Variants in KCNH8 observed in about 807,000 individuals in gnomAD.
KCNH8 encodes potassium voltage-gated channel subfamily H member 8.
Under a neutral mutation model 103.6 loss-of-function variants are expected in KCNH8, and 70 were observed. The ratio of observed to expected loss-of-function variants is 0.68; its 90% CI spans 0.56 to 0.82. The LOEUF (loss-of-function observed/expected upper bound fraction) is 0.82. KCNH8 is among the 40% of genes least tolerant of loss of function. The pLI, the probability that KCNH8 is intolerant of heterozygous loss-of-function variation, is 0.00. For missense variants in KCNH8, 1,217 were observed against 1,329.9 expected, an observed-to-expected ratio of 0.92 and a Z score of 1.32; for synonymous variants, 498 against 489.4, an observed-to-expected ratio of 1.02 and a Z score of -0.23.
chr3:19,427,150 A>G (rs765271795), intron 7 of KCNH8, among the ~76,000 whole-genome samples: 3 of 152,180 alleles, frequency 2.0e-5, no homozygotes, highest in Non-Finnish European at 4.4e-5. Flanking sequence ...CATATCCTTC[A>G]ATGTTTAAAG....
intron 1 of KCNH8, among the ~76,000 whole-genome samples, chr3:19,230,125 C>T (rs1055829858): frequency 1.3e-5 from 2 of 152,136 alleles, no homozygotes; most frequent in Admixed American, 6.5e-5. Flanking sequence ...GAGACTTATT[C>T]ACTATCACAA....
At chr3:19,402,746 A>AGG (rs570326998) in intron 7 of KCNH8, among the ~76,000 whole-genome samples, 1 of 151,908 alleles carries the variant, frequency 6.6e-6, no homozygotes, top group Non-Finnish European at 1.5e-5. Flanking sequence ...AACAACAAAT[A>AGG]GGGATTCTGT....
chr3:19,240,947 A>G (rs1436205115), intron 1 of KCNH8, among the ~76,000 whole-genome samples: 1 of 151,964 alleles, frequency 6.6e-6, no homozygotes, highest in Non-Finnish European at 1.5e-5. Flanking sequence ...AAATCACCTC[A>G]TGTTTTTTTA....
intron 5 of KCNH8, among the ~76,000 whole-genome samples, chr3:19,351,309 C>T (rs1036718393): frequency 1.3e-5 from 2 of 152,154 alleles, no homozygotes; most frequent in Non-Finnish European, 2.9e-5. Context: ...GTAAAATGCT[C>T]TTCAGGATAT....
intron 7 of KCNH8, among the ~76,000 whole-genome samples, chr3:19,432,143 A>G (rs1443321044): frequency 1.3e-5 from 2 of 152,178 alleles, no homozygotes; most frequent in African/African-American, 4.8e-5. Flanking sequence ...CAAGCATATT[A>G]TATGGTCTAA....
chr3:19,469,200 C>T (rs1333677369), intron 11 of KCNH8, among the ~76,000 whole-genome samples: 1 of 152,166 alleles, frequency 6.6e-6, no homozygotes, highest in Non-Finnish European at 1.5e-5. Context: ...AAAGGACTCA[C>T]ATGTCATTTT....
chr3:19,514,387 C>G (rs1368469769), intron 13 of KCNH8, among the ~76,000 whole-genome samples: 1 of 151,744 alleles, frequency 6.6e-6, no homozygotes, highest in Non-Finnish European at 1.5e-5. Flanking sequence ...ACTCTTCTTC[C>G]TAAGTTTATA....
intron 11 of KCNH8, among the ~76,000 whole-genome samples, chr3:19,479,698 CTG>C (rs1191964050): frequency 1.3e-5 from 2 of 152,098 alleles, no homozygotes; most frequent in African/African-American, 4.8e-5. Context: ...TGCTGATTTG[CTG>C]TGTCTCTATT....
intron 1 of KCNH8, among the ~76,000 whole-genome samples, chr3:19,228,539 C>T (rs1327645876): frequency 6.6e-6 from 1 of 152,084 alleles, no homozygotes; most frequent in Non-Finnish European, 1.5e-5. Context: ...TTAGGGGCAG[C>T]TCAGTAAAAC....
At chr3:19,166,496 C>T (rs894620134) in intron 1 of KCNH8, among the ~76,000 whole-genome samples, 3 of 152,124 alleles carry the variant, frequency 2.0e-5, no homozygotes, top group Non-Finnish European at 2.9e-5. Context: ...TCAGTGTATG[C>T]TTTGTCCCCA....
At chr3:19,500,833 G>C (rs962932273) in intron 11 of KCNH8, among the ~76,000 whole-genome samples, 11 of 152,086 alleles carry the variant, frequency 7.2e-5, no homozygotes, top group Admixed American at 6.6e-5. Context: ...AAGCAGGAAA[G>C]ATCCAAAATT....
At chr3:19,157,020 G>A (rs1282698332) in intron 1 of KCNH8, among the ~76,000 whole-genome samples, 2 of 148,974 alleles carry the variant, frequency 1.3e-5, no homozygotes, top group Non-Finnish European at 1.5e-5. Context: ...AAGTATTTTG[G>A]ACAGACATCT....
chr3:19,316,917 A>C (rs1196719081), intron 3 of KCNH8, among the ~76,000 whole-genome samples: 1 of 151,860 alleles, frequency 6.6e-6, no homozygotes, highest in Non-Finnish European at 1.5e-5. Context: ...GATGCTTTGA[A>C]ATTGGATGAA....
chr3:19,411,326 C>T (rs1303226526), intron 7 of KCNH8, among the ~76,000 whole-genome samples: 2 of 151,832 alleles, frequency 1.3e-5, no homozygotes, highest in African/African-American at 2.4e-5. Context: ...CCTTTTGTTA[C>T]AAAAACTCTG....
intron 1 of KCNH8, among the ~76,000 whole-genome samples, chr3:19,182,758 G>C (rs1559412315): frequency 6.6e-6 from 1 of 152,162 alleles, no homozygotes; most frequent in Non-Finnish European, 1.5e-5. Flanking sequence ...AATGAGTTCT[G>C]CCTTATGAGT....
At chr3:19,252,472 C>A (rs1409173409) in intron 1 of KCNH8, among the ~76,000 whole-genome samples, 1 of 151,832 alleles carries the variant, frequency 6.6e-6, no homozygotes, top group African/African-American at 2.4e-5. Flanking sequence ...TCACTGCAAC[C>A]TTCGCCTTCT....
chr3:19,395,412 T>C (rs1334842793), intron 7 of KCNH8, 101 bp downstream of exon 7: 1 of 702,196 alleles, frequency 1.4e-6, no homozygotes, highest in African/African-American at 1.9e-5. Flanking sequence ...ATATATTTAT[T>C]CTTACTATCA....
At chr3:19,340,172 AAC>A (rs1248762447) in intron 3 of KCNH8, among the ~76,000 whole-genome samples, 1 of 152,114 alleles carries the variant, frequency 6.6e-6, no homozygotes, top group East Asian at 1.9e-4. Flanking sequence ...AGGCATCAGC[AAC>A]AGTCATATGG....
rs181886250 is a variant in KCNH8 at position 19,299,865 on chromosome 3, T to G, written c.442+18536T>G. Reference sequence around the variant, plus strand: ...TATGTATTAGAAAACATTATTATTTTAATGTTTTAGTATTATTTTAATATT... The same window carrying G: ...TATGTATTAGAAAACATTATTATTTGAATGTTTTAGTATTATTTTAATATT... On this transcript the variant is annotated intron_variant, in intron 3 of 15. Transcript: ENST00000328405. Among the ~76,000 whole-genome samples the G allele has an allele frequency of 2.4e-3, 360 of 152,090 alleles. 5 individuals are homozygous for G. The highest frequency in any genetic ancestry group is 8.2e-3 in the African/African-American group (339 of 41,562).
Sources: allele counts gnomAD v4.1 joint callset (sites outside exome capture counted in the v4.1 genomes callset), GRCh38; gene constraint gnomAD v4.1.1; transcripts MANE v1.5; gene names NCBI Gene and HGNC (gene_info 2026-07-23, HGNC 2026-07-21).